The following GRID2 variants were observed in gnomAD, a reference collection of about 807,000 sequenced individuals.
GRID2 encodes glutamate ionotropic receptor delta type subunit 2, also known as glutamate receptor ionotropic, delta-2.
GRID2 carries 33 observed loss-of-function variants against 114.8 expected under a neutral mutation model. The observed-to-expected ratio is 0.29, with a 90% CI of 0.22 to 0.38. GRID2 has a LOEUF of 0.38. Ranked by LOEUF, GRID2 falls within the 10% of genes least tolerant of loss-of-function variation. GRID2 has a pLI of 1.00. For synonymous variants in GRID2, 505 were observed against 449.9 expected (o/e 1.12, Z -1.55); for missense variants, 1,184 against 1,257.7 (o/e 0.94, Z 0.89).
intron 8 of GRID2, among the ~76,000 whole-genome samples, chr4:93,246,822 A>T (rs1748267054): frequency 6.6e-6 from 1 of 152,184 alleles, no homozygotes; most frequent in African/African-American, 2.4e-5. Context: ...TTAGACTCTC[A>T]AAATCATTGA....
chr4:93,460,054 T>C (rs1263500118), intron 11 of GRID2, among the ~76,000 whole-genome samples: 1 of 152,086 alleles, frequency 6.6e-6, no homozygotes, highest in Non-Finnish European at 1.5e-5. Flanking sequence ...ACTATAGGAG[T>C]CTCATAAGTC....
At chr4:93,304,824 A>G (rs1755252740) in intron 8 of GRID2, among the ~76,000 whole-genome samples, 1 of 152,174 alleles carries the variant, frequency 6.6e-6, no homozygotes, top group Admixed American at 6.5e-5. Context: ...ATTTTACTGG[A>G]AGGCCAAATC....
chr4:93,337,872 A>C (rs2149241531), intron 8 of GRID2, among the ~76,000 whole-genome samples: 1 of 152,266 alleles, frequency 6.6e-6, no homozygotes, highest in South Asian at 2.1e-4. Flanking sequence ...ATTTTTCAAA[A>C]ATAATTTAAA....
chr4:92,596,221 TATTCATTC>T lies in GRID2; in HGVS notation c.244+5958_244+5965del, dbSNP rs10546629. Reference sequence around the variant, plus strand: ...CTAGGAGATCATGTGGGTATGATTCTATTCATTCATTCATTCATTCATTCATTCATCCA... The same window carrying T: ...CTAGGAGATCATGTGGGTATGATTCTATTCATTCATTCATTCATTCATCCA... On this transcript the variant is annotated intron_variant, in intron 2 of 15. Transcript: ENST00000282020. Among the ~76,000 whole-genome samples the T allele has an allele frequency of 8.5e-4, 129 of 151,334 alleles. 1 individual carries two copies. In the East Asian group the frequency reaches 0.013, roughly 16 times the overall value.
chr4:93,331,719 T>TAG (rs1366088001), intron 8 of GRID2, among the ~76,000 whole-genome samples: 7 of 152,236 alleles, frequency 4.6e-5, no homozygotes, highest in Non-Finnish European at 7.4e-5. Context: ...GTGCAGGAAC[T>TAG]AGAGTCAGAC....
intron 2 of GRID2, among the ~76,000 whole-genome samples, chr4:92,639,305 T>C (rs906812866): frequency 1.3e-5 from 2 of 151,890 alleles, no homozygotes; most frequent in African/African-American, 2.4e-5. Flanking sequence ...ATAGATCTTA[T>C]GTATGTCTAA....
chr4:92,486,070 A>G (rs944344735), intron 1 of GRID2, among the ~76,000 whole-genome samples: 11 of 151,944 alleles, frequency 7.2e-5, no homozygotes, highest in African/African-American at 2.4e-4. Flanking sequence ...TTCTATTTGT[A>G]AACTTGAATC....
chr4:93,276,938 A>G lies in GRID2; in HGVS notation c.1245+38448A>G, dbSNP rs188225649. Among the ~76,000 whole-genome samples the G allele has an allele frequency of 2.5e-4, 38 of 152,026 alleles. No individual in the cohort carries two copies. The East Asian group carries it at 6.2e-3, about 25-fold the overall frequency. ...TATTTACCTAATACCTTCTGCTTCC[A>G]TAGCCATCAATAAATATTTTAATAA... is the stretch of plus-strand genomic sequence containing the variant. On this transcript the variant is annotated intron_variant, in intron 8 of 15. Coordinates refer to ENST00000282020, the MANE Select transcript of GRID2 (RefSeq NM_001510.4).
At chr4:93,354,676 G>A (rs1761142984) in intron 8 of GRID2, among the ~76,000 whole-genome samples, 1 of 51,426 alleles carries the variant, frequency 1.9e-5, no homozygotes, top group African/African-American at 1.3e-4. Context: ...TCATCCGTGT[G>A]TGTGTGTGTG....
chr4:92,989,015 C>T (rs946043064), intron 2 of GRID2, among the ~76,000 whole-genome samples: 1 of 152,036 alleles, frequency 6.6e-6, no homozygotes, highest in Non-Finnish European at 1.5e-5. Context: ...TGCAGTGGCT[C>T]AAGCCTGTAA....
At chr4:92,498,087 TAAGG>T (rs1191605089) in intron 1 of GRID2, among the ~76,000 whole-genome samples, 2 of 151,596 alleles carry the variant, frequency 1.3e-5, no homozygotes, top group African/African-American at 2.4e-5. Flanking sequence ...TAGAAGAAGA[TAAGG>T]AAGACAAGAA....
At chr4:92,317,791 A>G (rs1726075434) in intron 1 of GRID2, among the ~76,000 whole-genome samples, 2 of 152,194 alleles carry the variant, frequency 1.3e-5, no homozygotes, top group African/African-American at 2.4e-5. Context: ...CCAAAGAAGA[A>G]TAAGCTGAAT....
intron 14 of GRID2, among the ~76,000 whole-genome samples, chr4:93,694,975 CA>C (rs1726886670): frequency 6.6e-6 from 1 of 152,034 alleles, no homozygotes; most frequent in Non-Finnish European, 1.5e-5. Flanking sequence ...AGTTCGAGAC[CA>C]GCCTGGGCAA....
rs115847060 is a variant in GRID2, at chr4:93,040,038, A to G, written c.245-44957A>G. ...GATCTCCCAAGTTATTTTGGACCTT[A>G]AATTCTGTTTTATTCTTGTTCATTT... is the stretch of plus-strand genomic sequence containing the variant. On this transcript the variant is annotated intron_variant, in intron 2 of 15. Transcript: ENST00000282020. Among the ~76,000 whole-genome samples, 219 of 152,280 alleles carry G rather than the reference A, an allele frequency of 1.4e-3. 1 individual carries two copies. Among genetic ancestry groups the G allele is most frequent in the African/African-American group, 5.2e-3 (216 of 41,572 alleles).
In GRID2 at chr4:93,772,705, C is replaced by G. The variant is rs747574584; in HGVS notation, c.*207C>G. On this transcript the variant is annotated 3_prime_UTR_variant, in exon 16 of 16. Transcript: ENST00000282020. ...CCCCTCCCTTCCTGTACATTTTCCT[C>G]CACTTTTTTTCATTACTCAACTTGT... is the stretch of plus-strand genomic sequence containing the variant. 3.7e-4 allele frequency: 194 copies of G among 521,638 alleles called. 1 individual carries two copies. The highest frequency in any genetic ancestry group is 7.0e-5 in the Non-Finnish European group (21 of 298,612). The allele number at this position is 521,638 out of a possible 1,614,324, so 32.3% of individuals were successfully genotyped here.
intron 10 of GRID2, among the ~76,000 whole-genome samples, chr4:93,428,537 G>GTAATTT (rs1560609902): frequency 1.3e-5 from 2 of 152,072 alleles, no homozygotes; most frequent in Non-Finnish European, 2.9e-5. Context: ...AAAAAGGATT[G>GTAATTT]TAATTTTAAT....
intron 13 of GRID2, among the ~76,000 whole-genome samples, chr4:93,623,869 T>A (rs1479486280): frequency 6.6e-6 from 1 of 152,162 alleles, no homozygotes; most frequent in Non-Finnish European, 1.5e-5. Context: ...CTAATTAAAT[T>A]TGCAAAGGTC....
chr4:93,719,717 G>T (rs1259448021), intron 14 of GRID2, among the ~76,000 whole-genome samples: 1 of 152,136 alleles, frequency 6.6e-6, no homozygotes, highest in East Asian at 1.9e-4. Flanking sequence ...AATGTTTGCT[G>T]CAATATCCTC....
intron 1 of GRID2, among the ~76,000 whole-genome samples, chr4:92,401,038 T>C (rs1269480664): frequency 6.6e-6 from 1 of 152,184 alleles, no homozygotes; most frequent in Non-Finnish European, 1.5e-5. Context: ...TTCTGTGGGC[T>C]GTCTTTTGAC....
Sources: gnomAD v4.1 joint callset for allele counts (sites outside exome capture counted in the v4.1 genomes callset) on GRCh38, gnomAD v4.1.1 for gene constraint, MANE v1.5 for transcripts, NCBI Gene and HGNC (gene_info 2026-07-23, HGNC 2026-07-21) for gene names.